The following UGT1A10 variants were observed in gnomAD, a reference collection of about 807,000 sequenced individuals.
UGT1A10 encodes UDP glucuronosyltransferase family 1 member A10.
UGT1A10 carries 49 observed loss-of-function variants against 45.8 expected under a neutral mutation model. That is an observed-to-expected ratio of 1.07 (90% CI 0.85 to 1.36). UGT1A10 has a LOEUF of 1.36. UGT1A10 is among the 40% of genes most tolerant of loss of function. UGT1A10 has a pLI of 0.00. For synonymous variants in UGT1A10, 284 were observed against 249.7 expected (o/e 1.14, Z -1.29); for missense variants, 745 against 668.6 (o/e 1.11, Z -1.26).
chr2:233,663,720 T>A (rs969075823), intron 1 of UGT1A10, among the ~76,000 whole-genome samples: 32 of 152,254 alleles, frequency 2.1e-4, no homozygotes, highest in Non-Finnish European at 4.0e-4. Context: ...AAAATAAGTT[T>A]CTCCCAAAGT....
rs45586035 is a variant in UGT1A10, at chr2:233,729,636, G to GT, written c.856-37390dup. 7.6e-4 allele frequency: 1,222 copies of GT among 1,613,576 alleles called. 6 individuals are homozygous for GT. The African/African-American group carries it at 1.0e-2, about 13-fold the overall frequency. On this transcript the variant is annotated intron_variant, in intron 1 of 4. Coordinates refer to ENST00000344644, the MANE Select transcript of UGT1A10 (RefSeq NM_019075.4). ...CTAAGTACCTGTCGATTCCTACTGT[G>GT]TTTTTTTTGAGGAACATTCCATGTG...
chr2:233,759,106 A>G (rs1201357273), intron 1 of UGT1A10, among the ~76,000 whole-genome samples: 1 of 152,224 alleles, frequency 6.6e-6, no homozygotes, highest in Non-Finnish European at 1.5e-5. Flanking sequence ...ACAGTTTGCA[A>G]ACCAGGGAGT....
chr2:233,761,977 C>T (rs1011491640), intron 1 of UGT1A10, among the ~76,000 whole-genome samples: 8 of 152,204 alleles, frequency 5.3e-5, no homozygotes, highest in African/African-American at 1.9e-4. Context: ...ATATCACCTT[C>T]GGAGGTGACC....
At chr2:233,730,481 T>A (rs1335220137) in intron 1 of UGT1A10, among the ~76,000 whole-genome samples, 1 of 152,146 alleles carries the variant, frequency 6.6e-6, no homozygotes, top group Non-Finnish European at 1.5e-5. Context: ...GGCACTCACA[T>A]GAAATAGAAG....
intron 1 of UGT1A10, among the ~76,000 whole-genome samples, chr2:233,732,820 C>G (rs1332712556): frequency 2.1e-5 from 3 of 141,934 alleles, no homozygotes; most frequent in Non-Finnish European, 4.5e-5. Context: ...TCCATATGAA[C>G]TTTAAAGTAG....
chr2:233,763,101 G>A (rs911643886), intron 1 of UGT1A10, among the ~76,000 whole-genome samples: 8 of 152,178 alleles, frequency 5.3e-5, no homozygotes, highest in African/African-American at 1.7e-4. Context: ...GAGAGGCACC[G>A]AACTTTATCA....
At chr2:233,714,075 C>G (rs575529005) in intron 1 of UGT1A10, among the ~76,000 whole-genome samples, 1 of 152,080 alleles carries the variant, frequency 6.6e-6, no homozygotes, top group African/African-American at 2.4e-5. Context: ...GAGGCAGGGA[C>G]GAGGATCTGT....
chr2:233,688,451 A>T (rs568625749), intron 1 of UGT1A10, among the ~76,000 whole-genome samples: 2 of 152,324 alleles, frequency 1.3e-5, no homozygotes, highest in East Asian at 3.9e-4. Flanking sequence ...CCCTGTGTTG[A>T]CAGGAAACTT....
intron 1 of UGT1A10, among the ~76,000 whole-genome samples, chr2:233,714,272 G>A (rs1053935248): frequency 6.6e-6 from 1 of 152,146 alleles, no homozygotes; most frequent in Non-Finnish European, 1.5e-5. Context: ...AATTGTTGAC[G>A]TGACAATTTT....
chr2:233,693,611 A>T (rs1423413232), intron 1 of UGT1A10: 1 of 1,614,080 alleles, frequency 6.2e-7, no homozygotes, highest in African/African-American at 1.3e-5. Flanking sequence ...TTCAGACCAC[A>T]TGACTTTTTC....
intron 1 of UGT1A10, chr2:233,681,994 C>G: frequency 6.2e-7 from 1 of 1,614,172 alleles, no homozygotes; most frequent in Non-Finnish European, 8.5e-7. Context: ...TACTGCTGAC[C>G]TGTGGCTTTG....
intron 1 of UGT1A10, among the ~76,000 whole-genome samples, chr2:233,656,835 T>G (rs373279846): frequency 5.3e-5 from 8 of 152,248 alleles, no homozygotes; most frequent in East Asian, 3.9e-4. Flanking sequence ...AGTATTTTCT[T>G]TTCAGTTTAC....
chr2:233,704,781 G>T (rs989120874), intron 1 of UGT1A10, among the ~76,000 whole-genome samples: 3 of 152,050 alleles, frequency 2.0e-5, no homozygotes, highest in Admixed American at 6.5e-5. Context: ...ATATGTTATA[G>T]TCCCAACAAT....
chr2:233,660,503 G>C (rs144736171), intron 1 of UGT1A10, among the ~76,000 whole-genome samples: 3 of 152,270 alleles, frequency 2.0e-5, no homozygotes, highest in African/African-American at 7.2e-5. Flanking sequence ...TGGTTTTCAT[G>C]GAACCAGTTT....
chr2:233,744,202 G>A (rs982618462), intron 1 of UGT1A10, among the ~76,000 whole-genome samples: 3 of 151,822 alleles, frequency 2.0e-5, no homozygotes, highest in Non-Finnish European at 4.4e-5. Flanking sequence ...AAAAAGGATG[G>A]GAAAAAGAGG....
chr2:233,675,527 C>T (rs1209769655), intron 1 of UGT1A10, among the ~76,000 whole-genome samples: 1 of 152,076 alleles, frequency 6.6e-6, no homozygotes, highest in African/African-American at 2.4e-5. Context: ...TCTGTGCTTC[C>T]CCCCTTGCTG....
At chr2:233,711,084 G>A (rs1478616153) in intron 1 of UGT1A10, among the ~76,000 whole-genome samples, 6 of 152,210 alleles carry the variant, frequency 3.9e-5, no homozygotes, top group Non-Finnish European at 7.3e-5. Context: ...ATGGCTCCAA[G>A]TCTATCTGTG....
chr2:233,765,405 A>G (rs568434598), intron 1 of UGT1A10, among the ~76,000 whole-genome samples: 1 of 152,328 alleles, frequency 6.6e-6, no homozygotes, highest in South Asian at 2.1e-4. Context: ...GTACATATAC[A>G]CCATGGAATA....
intron 1 of UGT1A10, among the ~76,000 whole-genome samples, chr2:233,736,673 G>T (rs780660249): frequency 2.0e-4 from 30 of 152,198 alleles, no homozygotes; most frequent in Non-Finnish European, 3.5e-4. Context: ...TTAGGTCTTT[G>T]ATGTTGGTGA....
Sources: gnomAD v4.1 joint callset for allele counts (sites outside exome capture counted in the v4.1 genomes callset) on GRCh38, gnomAD v4.1.1 for gene constraint, MANE v1.5 for transcripts, NCBI Gene and HGNC (gene_info 2026-07-23, HGNC 2026-07-21) for gene names.